The following PCDHGA9 variants were observed in gnomAD, a reference collection of about 807,000 sequenced individuals.
PCDHGA9 encodes the protein protocadherin gamma-A9.
Under a neutral mutation model 62.5 loss-of-function variants are expected in PCDHGA9, and 37 were observed. The ratio of observed to expected loss-of-function variants is 0.59; its 90% CI spans 0.46 to 0.78. PCDHGA9 has a LOEUF of 0.78. Among genes scored for constraint, PCDHGA9 ranks in the 30% least tolerant of loss-of-function variants. The pLI, the probability that PCDHGA9 is intolerant of heterozygous loss-of-function variation, is 0.00. For missense variants in PCDHGA9, 1,138 were observed against 1,166.2 expected (o/e 0.98, Z 0.35); for synonymous variants, 459 against 484.6 (o/e 0.95, Z 0.69).
At position 141,421,588 on chromosome 5, in the gene PCDHGA9, G is replaced by C; in HGVS notation, c.2424+16212G>C. 3 of 1,613,910 alleles carry C rather than the reference G, an allele frequency of 1.9e-6. No homozygotes were observed. The South Asian group carries it at 3.3e-5, about 18-fold the overall frequency. ...AGACACCTTGAAGATTTACGGAGTGGAGGTGGAAATAATAGATATTAATGA... is the reference window on the plus strand; with the variant it reads ...AGACACCTTGAAGATTTACGGAGTGCAGGTGGAAATAATAGATATTAATGA... On this transcript the variant is annotated intron_variant, in intron 1 of 3. Coordinates refer to ENST00000573521, the MANE Select transcript of PCDHGA9 (RefSeq NM_018921.3).
intron 1 of PCDHGA9, among the ~76,000 whole-genome samples, chr5:141,434,700 G>A (rs1041657389): frequency 6.6e-6 from 1 of 151,780 alleles, no homozygotes; most frequent in Non-Finnish European, 1.5e-5. Context: ...TAATAAATAT[G>A]TGGGTAAATC....
chr5:141,415,305 C>G (rs200439097), intron 1 of PCDHGA9: 1 of 1,614,234 alleles, frequency 6.2e-7, no homozygotes, highest in African/African-American at 1.3e-5. Context: ...TCTTCCTGGC[C>G]TTCGTCATCG....
At position 141,430,782 on chromosome 5, in the gene PCDHGA9, G is replaced by C. The variant is rs1220976669; in HGVS notation, c.2424+25406G>C. 2.0e-6 allele frequency: 3 copies of C among 1,510,858 alleles called. No individual in the cohort carries two copies. The East Asian group carries it at 6.9e-5, about 35-fold the overall frequency. 93.6% of individuals were successfully genotyped at this position (1,510,858 alleles called of 1,614,324 possible). A position where few individuals can be genotyped will look rare whatever the true frequency, so the allele number is the denominator to read the frequency against. ...AGAATGATTCCTGCGCGACTGCACC[G>C]GGACTACAAAGGGCTTGTCCTGCTG... On this transcript the variant is annotated intron_variant, in intron 1 of 3. Coordinates refer to ENST00000573521, the MANE Select transcript of PCDHGA9 (RefSeq NM_018921.3).
intron 2 of PCDHGA9, among the ~76,000 whole-genome samples, chr5:141,503,595 G>A (rs6892628): frequency 7.1e-6 from 1 of 140,086 alleles, no homozygotes. Context: ...CGAGACTCCA[G>A]CTCAAAAAAA....
intron 1 of PCDHGA9, chr5:141,408,828 G>C: frequency 6.2e-7 from 1 of 1,613,614 alleles, no homozygotes; most frequent in East Asian, 2.2e-5. Context: ...AGATCTCATA[G>C]CTTGATATTG....
At chr5:141,429,657 A>G (rs1455808092) in intron 1 of PCDHGA9, among the ~76,000 whole-genome samples, 1 of 152,232 alleles carries the variant, frequency 6.6e-6, no homozygotes, top group African/African-American at 2.4e-5. Flanking sequence ...TTCCCAATTT[A>G]AAATATATTA....
Position 141,454,887 on chromosome 5 carries a change from T to C in PCDHGA9, c.2425-39920T>C, listed in dbSNP as rs1291501766. Among the ~76,000 whole-genome samples, 3 of 138,310 alleles carry C rather than the reference T, an allele frequency of 2.2e-5. No homozygotes were observed. The Admixed American group carries it at 2.3e-4, about 11-fold the overall frequency. 90.7% of individuals were successfully genotyped at this position (138,310 alleles called of 152,430 possible). A position where few individuals can be genotyped will look rare whatever the true frequency, so the allele number is the denominator to read the frequency against. ...CAGTGGCACGATCTTGGCTCACTGC[T>C]AGCACCGCCTCCCGGGTTCACGCCA... On this transcript the variant is annotated intron_variant, in intron 1 of 3. Coordinates refer to ENST00000573521, the MANE Select transcript of PCDHGA9 (RefSeq NM_018921.3).
intron 2 of PCDHGA9, among the ~76,000 whole-genome samples, chr5:141,501,258 T>G (rs2099806611): frequency 1.3e-5 from 2 of 150,950 alleles, no homozygotes; most frequent in South Asian, 4.2e-4. Flanking sequence ...GGGAGTATTT[T>G]ATTATAGTCC....
intron 1 of PCDHGA9, among the ~76,000 whole-genome samples, chr5:141,455,576 G>T (rs752051075): frequency 1.3e-5 from 2 of 152,154 alleles, no homozygotes; most frequent in Non-Finnish European, 2.9e-5. Flanking sequence ...TCCCACCCCA[G>T]CCTTTTAATA....
chr5:141,457,273 G>A (rs746102734), intron 1 of PCDHGA9, among the ~76,000 whole-genome samples: 7 of 152,144 alleles, frequency 4.6e-5, no homozygotes, highest in Admixed American at 1.3e-4. Context: ...CCCTCTGTGG[G>A]CCTACGAAGT....
At chr5:141,405,868 C>T (rs528188485) in intron 1 of PCDHGA9, among the ~76,000 whole-genome samples, 1 of 152,280 alleles carries the variant, frequency 6.6e-6, no homozygotes, top group Non-Finnish European at 1.5e-5. Context: ...TCACTTTTCA[C>T]TGGGCCTAAT....
At chr5:141,459,846 A>G (rs945742948) in intron 1 of PCDHGA9, among the ~76,000 whole-genome samples, 1 of 152,170 alleles carries the variant, frequency 6.6e-6, no homozygotes, top group Admixed American at 6.5e-5. Context: ...CTATTTGTAT[A>G]TCTTCTTGAA....
chr5:141,432,649 A>C lies in PCDHGA9; in HGVS notation c.2424+27273A>C, dbSNP rs769351399. The C allele has an allele frequency of 5.6e-6, 9 of 1,613,742 alleles. No individual in the cohort carries two copies. The highest frequency in any genetic ancestry group is 6.8e-6 in the Non-Finnish European group (8 of 1,179,918). ...ACACGGGCGAGGTGCGCACGGCGCG[A>C]GCCCTGCTGGACAGAGACGCGCTCA... is the stretch of plus-strand genomic sequence containing the variant. On this transcript the variant is annotated intron_variant, in intron 1 of 3. Transcript: ENST00000573521. This position sits in a 1 kb window ranked among gnomAD's most constrained non-coding sequence, Gnocchi z 6.0.
Position 141,489,463 on chromosome 5 carries a change from T to C in PCDHGA9, c.2425-5344T>C. ...GGGCTCTGAGGAGAATGGGCGCTAT[T>C]TTTCCCTGAGCTTGATGAGTGGTGC... On this transcript the variant is annotated intron_variant, in intron 1 of 3. Transcript: ENST00000573521. This position sits in a 1 kb window ranked among gnomAD's most constrained non-coding sequence, Gnocchi z 4.5. 6.2e-7 allele frequency: 1 copy of C among 1,614,050 alleles called. No individual in the cohort carries two copies. The highest frequency in any genetic ancestry group is 8.5e-7 in the Non-Finnish European group (1 of 1,180,002).
chr5:141,474,961 AATC>A (rs2099357151), intron 1 of PCDHGA9, among the ~76,000 whole-genome samples: 1 of 152,254 alleles, frequency 6.6e-6, no homozygotes, highest in African/African-American at 2.4e-5. Flanking sequence ...TCACTATCCT[AATC>A]ATTATAATTT....
chr5:141,408,279 A>G (rs1313502495), intron 1 of PCDHGA9: 1 of 1,612,184 alleles, frequency 6.2e-7, no homozygotes, highest in Admixed American at 1.7e-5. Flanking sequence ...CCTTTGTTCT[A>G]CCCCACCCTG....
intron 1 of PCDHGA9, chr5:141,416,766 T>C (rs906070451): frequency 2.0e-5 from 3 of 152,212 alleles, no homozygotes; most frequent in African/African-American, 7.2e-5. Context: ...GATCTCTTAA[T>C]TTTATTACTA....
intron 1 of PCDHGA9, among the ~76,000 whole-genome samples, chr5:141,482,794 G>A (rs374042779): frequency 6.2e-5 from 8 of 129,246 alleles, no homozygotes; most frequent in Non-Finnish European, 8.1e-5. Flanking sequence ...GTGTGTGGCC[G>A]GGTACGGTGG....
At chr5:141,478,524 C>T in intron 1 of PCDHGA9, 1 of 1,609,844 alleles carries the variant, frequency 6.2e-7, no homozygotes, top group Non-Finnish European at 8.5e-7. Flanking sequence ...GTGTTGGGTG[C>T]AGAGAGCGCC....
Sources: allele counts gnomAD v4.1 joint callset (sites outside exome capture counted in the v4.1 genomes callset), GRCh38; gene constraint gnomAD v4.1.1; non-coding constraint Gnocchi (gnomAD v3.1); transcripts MANE v1.5; gene names NCBI Gene and HGNC (gene_info 2026-07-23, HGNC 2026-07-21).